CPAP: variants seen among roughly 807,000 people sequenced by gnomAD.
The protein encoded by CPAP is centrosome assembly and centriole elongation protein.
At chr13:24,907,883 G>GT in the CPAP span, 6 of 683,024 alleles carry the variant, frequency 8.8e-6, no homozygotes, top group African/African-American at 1.1e-4. Context: ...ATAATAGGTT[G>GT]TATCTTTAAC....
At chr13:24,889,471 A>C in the CPAP span, 1 of 1,017,602 alleles carries the variant, frequency 9.8e-7, no homozygotes, top group Non-Finnish European at 1.5e-6. Flanking sequence ...GAAACTAATA[A>C]AACTCAGCTA....
the CPAP span, among the ~76,000 whole-genome samples, chr13:24,890,221 C>G: frequency 6.6e-6 from 1 of 152,194 alleles, no homozygotes; most frequent in South Asian, 2.1e-4. Context: ...ATAACTATGG[C>G]AAAATGTTCC....
At chr13:24,889,464 A>C in the CPAP span, 1 of 1,068,492 alleles carries the variant, frequency 9.4e-7, no homozygotes, top group Non-Finnish European at 1.4e-6. Flanking sequence ...ACTAAGTGAA[A>C]CTAATAAAAC....
chr13:24,892,262 A>G, the CPAP span, among the ~76,000 whole-genome samples: 2 of 152,244 alleles, frequency 1.3e-5, no homozygotes. Context: ...GTTTTAACAG[A>G]GATGATCTGC....
At chr13:24,906,854 C>A in the CPAP span, 5 of 1,614,070 alleles carry the variant, frequency 3.1e-6, no homozygotes, top group Admixed American at 8.3e-5. Context: ...ACTTTCTTTG[C>A]CTTTTTGAAA....
At chr13:24,909,036 C>CA in the CPAP span, among the ~76,000 whole-genome samples, 1 of 152,104 alleles carries the variant, frequency 6.6e-6, no homozygotes, top group Non-Finnish European at 1.5e-5. Context: ...CACATACATA[C>CA]ACTGACAAAG....
the CPAP span, among the ~76,000 whole-genome samples, chr13:24,933,730 CTTT>C: frequency 6.9e-6 from 1 of 144,836 alleles, no homozygotes; most frequent in Non-Finnish European, 1.5e-5. Context: ...ACCTCTTCTT[CTTT>C]TTTTTTTTTT....
At chr13:24,897,100 G>T in the CPAP span, among the ~76,000 whole-genome samples, 1 of 152,162 alleles carries the variant, frequency 6.6e-6, no homozygotes, top group Admixed American at 6.5e-5. Flanking sequence ...TAATTAGCCA[G>T]CCATGGTGGT....
the CPAP span, among the ~76,000 whole-genome samples, chr13:24,920,659 TGCC>T: frequency 6.7e-6 from 1 of 150,312 alleles, no homozygotes; most frequent in South Asian, 2.1e-4. Flanking sequence ...CTCACTCTGT[TGCC>T]CAGGCTAGAG....
the CPAP span, chr13:24,884,097 T>TA: frequency 4.0e-5 from 14 of 345,860 alleles, no homozygotes; most frequent in East Asian, 1.8e-3. Flanking sequence ...TTTAAAAAGT[T>TA]GTTACAGTAA....
the CPAP span, chr13:24,905,365 T>G: frequency 6.2e-7 from 1 of 1,614,118 alleles, no homozygotes; most frequent in Non-Finnish European, 8.5e-7. Context: ...GGTCTTGACT[T>G]ATGTTTAACT....
At chr13:24,916,182 A>G in the CPAP span, among the ~76,000 whole-genome samples, 2 of 152,204 alleles carry the variant, frequency 1.3e-5, no homozygotes, top group Non-Finnish European at 2.9e-5. Context: ...GCTGATGAGG[A>G]TGGAGAAAGG....
At chr13:24,883,419 A>G in the CPAP span, 1 of 1,420,412 alleles carries the variant, frequency 7.0e-7, no homozygotes, top group Non-Finnish European at 9.6e-7. Flanking sequence ...ATAATAGAAA[A>G]TAAACAACAG....
At chr13:24,901,049 G>A in the CPAP span, among the ~76,000 whole-genome samples, 2 of 152,152 alleles carry the variant, frequency 1.3e-5, no homozygotes, top group African/African-American at 2.4e-5. Flanking sequence ...AGATGTGGGC[G>A]AGAGAACTGG....
the CPAP span, chr13:24,882,372 T>C: frequency 1.3e-5 from 2 of 152,028 alleles, no homozygotes; most frequent in Admixed American, 1.3e-4. Flanking sequence ...ATGTGACAGG[T>C]AAGGTCTATC....
the CPAP span, among the ~76,000 whole-genome samples, chr13:24,916,753 T>C: frequency 1.3e-5 from 2 of 152,244 alleles, no homozygotes; most frequent in African/African-American, 4.8e-5. Flanking sequence ...ACAGTTATAC[T>C]GGCATAAACT....
chr13:24,909,087 G>T, the CPAP span, among the ~76,000 whole-genome samples: 1 of 152,080 alleles, frequency 6.6e-6, no homozygotes, highest in Non-Finnish European at 1.5e-5. Context: ...TAGGTGGTGG[G>T]TATATCAGTA....
chr13:24,918,125 T>C, the CPAP span, among the ~76,000 whole-genome samples: 455 of 152,308 alleles, frequency 3.0e-3, 2 homozygotes, highest in African/African-American at 9.7e-3. Flanking sequence ...GTATGAACAA[T>C]TTTTAAAATT....
chr13:24,904,062 T>A, the CPAP span: 43 of 1,613,714 alleles, frequency 2.7e-5, no homozygotes, highest in Admixed American at 6.7e-5. Context: ...TTGTCACCTA[T>A]GAAATAGGCC....
Sources: allele counts gnomAD v4.1 joint callset (sites outside exome capture counted in the v4.1 genomes callset), GRCh38; gene constraint gnomAD v4.1.1; transcripts MANE v1.5; gene names NCBI Gene and HGNC (gene_info 2026-07-23, HGNC 2026-07-21).